SEPTIN9: variants seen among roughly 807,000 people sequenced by gnomAD.
SEPTIN9 encodes septin-9.
A neutral mutation model predicts 56.6 loss-of-function variants in SEPTIN9; 13 were observed. The observed-to-expected ratio is 0.23, with a 90% confidence interval of 0.15 to 0.37. The LOEUF is 0.37. Among genes scored for constraint, SEPTIN9 ranks in the 10% least tolerant of loss-of-function variants. SEPTIN9 has a pLI of 1.00. For missense variants in SEPTIN9, 650 were observed against 823.1 expected (o/e 0.79, Z 2.57); for synonymous variants, 332 against 334.1 (o/e 0.99, Z 0.07).
chr17:77,471,442 C>T (rs1225426095), intron 3 of SEPTIN9, among the ~76,000 whole-genome samples: 2 of 152,270 alleles, frequency 1.3e-5, no homozygotes, highest in East Asian at 1.9e-4. Flanking sequence ...CACCCTGTTG[C>T]ACCCCAGAGA....
At chr17:77,338,400 C>G (rs943896533) in intron 2 of SEPTIN9, among the ~76,000 whole-genome samples, 2 of 147,286 alleles carry the variant, frequency 1.4e-5, no homozygotes, top group African/African-American at 5.0e-5. Flanking sequence ...GCTGTGGCAG[C>G]AGTTTCTTTG....
At chr17:77,457,090 C>G (rs145142775) in intron 3 of SEPTIN9, among the ~76,000 whole-genome samples, 1 of 152,204 alleles carries the variant, frequency 6.6e-6, no homozygotes, top group Non-Finnish European at 1.5e-5. Context: ...CAGCCTTTGC[C>G]CCCGGGGCTG....
In SEPTIN9 at chr17:77,445,726, T is replaced by C; in HGVS notation, c.722-36418T>C. The C allele has an allele frequency of 3.3e-6, 1 of 306,098 alleles. No homozygotes were observed. Among genetic ancestry groups the C allele is most frequent in the Non-Finnish European group, 6.8e-6 (1 of 146,974 alleles). 19.0% of individuals were successfully genotyped at this position (306,098 alleles called of 1,614,324 possible). A position where few individuals can be genotyped will look rare whatever the true frequency, so the allele number is the denominator to read the frequency against. On this transcript the variant is annotated intron_variant, in intron 3 of 11. Transcript: ENST00000427177. The surrounding 1 kb of genome is among the most constrained non-coding windows in gnomAD (Gnocchi z 4.7). Reference sequence around the variant, plus strand: ...GGAGGTGGGAGTCCCAACTGTCCCCTGTGGCTTCCAGAGTGGGACCTTGCT... The same window carrying C: ...GGAGGTGGGAGTCCCAACTGTCCCCCGTGGCTTCCAGAGTGGGACCTTGCT...
intron 3 of SEPTIN9, chr17:77,454,016 C>T: frequency 1.0e-6 from 1 of 975,530 alleles, no homozygotes; most frequent in Non-Finnish European, 1.2e-6. Context: ...TCCCATACAC[C>T]CCGGATGTTT....
chr17:77,490,638 A>G, intron 7 of SEPTIN9, 104 bp from the exon 8 acceptor site: 1 of 883,766 alleles, frequency 1.1e-6, no homozygotes, highest in Non-Finnish European at 1.8e-6. Flanking sequence ...GACCCCCGTG[A>G]GCCCCGAGCC....
At chr17:77,498,135 C>T (rs1375105751) in intron 11 of SEPTIN9, among the ~76,000 whole-genome samples, 1 of 152,030 alleles carries the variant, frequency 6.6e-6, no homozygotes, top group Non-Finnish European at 1.5e-5. Context: ...GGCCGGTGGT[C>T]ACCCACTGCT....
chr17:77,398,878 G>A (rs541361275), intron 2 of SEPTIN9, among the ~76,000 whole-genome samples: 18 of 152,294 alleles, frequency 1.2e-4, no homozygotes, highest in East Asian at 1.9e-4. Flanking sequence ...GTGCTGGACC[G>A]AAACACCCAG....
At chr17:77,397,657 G>A (rs892830309) in intron 2 of SEPTIN9, among the ~76,000 whole-genome samples, 1 of 152,078 alleles carries the variant, frequency 6.6e-6, no homozygotes, top group Non-Finnish European at 1.5e-5. Flanking sequence ...CTGTGATCCA[G>A]CCTTTTTTTT....
At chr17:77,387,968 C>G (rs1359587784) in intron 2 of SEPTIN9, among the ~76,000 whole-genome samples, 1 of 143,830 alleles carries the variant, frequency 7.0e-6, no homozygotes, top group Non-Finnish European at 1.5e-5. Flanking sequence ...TCCTGGACTT[C>G]TCAGCAGCTA....
chr17:77,407,168 A>T (rs1414445280), intron 3 of SEPTIN9, among the ~76,000 whole-genome samples: 2 of 151,520 alleles, frequency 1.3e-5, no homozygotes, highest in East Asian at 3.9e-4. Flanking sequence ...TTGTAGTCCC[A>T]GCTACTGGGG....
chr17:77,372,277 C>T (rs2034744709), intron 2 of SEPTIN9, among the ~76,000 whole-genome samples: 1 of 152,174 alleles, frequency 6.6e-6, no homozygotes. Flanking sequence ...GCCTCTCTCT[C>T]TTGTAGGTGA....
At chr17:77,447,734 C>G (rs749695839) in intron 3 of SEPTIN9, among the ~76,000 whole-genome samples, 1 of 152,264 alleles carries the variant, frequency 6.6e-6, no homozygotes, top group African/African-American at 2.4e-5. Context: ...AAGCGATTCT[C>G]CTGCCTCAAC....
rs533748463 is a variant in SEPTIN9, at chr17:77,310,898, C to T, written c.76+3701C>T. Among the ~76,000 whole-genome samples the T allele has an allele frequency of 5.9e-5, 9 of 152,184 alleles. No homozygotes were observed. Among genetic ancestry groups the T allele is most frequent in the Non-Finnish European group, 1.3e-4 (9 of 68,044 alleles). ...GTCCTGCTCTTCCATCTTCCAATAC[C>T]TCTGGGGTGTGTGGCCTTTTCCCCA... On this transcript the variant is annotated intron_variant, in intron 2 of 11. Coordinates refer to ENST00000427177, the MANE Select transcript of SEPTIN9 (RefSeq NM_001113491.2). This position sits in a 1 kb window ranked among gnomAD's most constrained non-coding sequence, Gnocchi z 4.7.
chr17:77,288,685 C>G (rs2031389088), intron 1 of SEPTIN9, among the ~76,000 whole-genome samples: 1 of 152,240 alleles, frequency 6.6e-6, no homozygotes, highest in Non-Finnish European at 1.5e-5. Flanking sequence ...CTGTCATCTT[C>G]CAGCTTGTTA....
chr17:77,302,522 A>G (rs1235632616), intron 1 of SEPTIN9, among the ~76,000 whole-genome samples: 2 of 150,854 alleles, frequency 1.3e-5, no homozygotes, highest in African/African-American at 4.9e-5. Flanking sequence ...TACTAAAAAT[A>G]CAAAAATTAG....
rs551531315 is a variant in SEPTIN9, at chr17:77,475,410, G to A, written c.722-6734G>A. ...AGAGGAGGAGGGAGCAGCCCTGGCC[G>A]GACACTGTCCTCCTAGCATTGCCTG... On this transcript the variant is annotated intron_variant, in intron 3 of 11. Coordinates refer to ENST00000427177, the MANE Select transcript of SEPTIN9 (RefSeq NM_001113491.2). This position sits in a 1 kb window ranked among gnomAD's most constrained non-coding sequence, Gnocchi z 4.6. The A allele has an allele frequency of 1.7e-5, 25 of 1,463,338 alleles. No homozygotes were observed. Among genetic ancestry groups the A allele is most frequent in the African/African-American group, 3.1e-5 (2 of 65,056 alleles). 90.6% of individuals were successfully genotyped at this position (1,463,338 alleles called of 1,614,324 possible).
chr17:77,286,473 G>T (rs905040391), intron 1 of SEPTIN9: 1 of 152,440 alleles, frequency 6.6e-6, no homozygotes, highest in Non-Finnish European at 1.5e-5. Flanking sequence ...CCACTTAGGG[G>T]CAGTGGTCTG....
chr17:77,358,891 A>G (rs1473254134), intron 2 of SEPTIN9, among the ~76,000 whole-genome samples: 1 of 152,198 alleles, frequency 6.6e-6, no homozygotes, highest in African/African-American at 2.4e-5. Flanking sequence ...GAGGCTGAGC[A>G]GCACTCGGAC....
At chr17:77,491,312 G>A (rs1186909620) in intron 8 of SEPTIN9, among the ~76,000 whole-genome samples, 3 of 151,988 alleles carry the variant, frequency 2.0e-5, no homozygotes, top group Non-Finnish European at 4.4e-5. Flanking sequence ...CACCTCCCAG[G>A]CTCAGTCCCC....
Sources: allele counts gnomAD v4.1 joint callset (sites outside exome capture counted in the v4.1 genomes callset), GRCh38; gene constraint gnomAD v4.1.1; non-coding constraint Gnocchi (gnomAD v3.1); transcripts MANE v1.5; gene names NCBI Gene and HGNC (gene_info 2026-07-23, HGNC 2026-07-21).